The following HDAC9 variants were observed in gnomAD, a reference collection of about 807,000 sequenced individuals.
The protein encoded by HDAC9 is histone deacetylase 9, also known as MEF-2 interacting transcription repressor (MITR) protein.
HDAC9 carries 41 observed loss-of-function variants against 139.4 expected under a neutral mutation model. The ratio of observed to expected loss-of-function variants is 0.29; its 90% CI spans 0.23 to 0.38. The LOEUF is 0.38. HDAC9 is among the 10% of genes least tolerant of loss of function. The pLI is 1.00. For synonymous variants in HDAC9, 517 were observed against 476.2 expected, an observed-to-expected ratio of 1.09 and a Z score of -1.12; for missense variants, 1,147 against 1,297.0, an observed-to-expected ratio of 0.88 and a Z score of 1.78.
At chr7:18,771,996 C>G (rs985289143) in intron 16 of HDAC9, among the ~76,000 whole-genome samples, 1 of 152,194 alleles carries the variant, frequency 6.6e-6, no homozygotes, top group East Asian at 1.9e-4. Context: ...CATGCAAAAA[C>G]GAATGAGCAA....
chr7:18,603,423 G>T (rs1834525295), intron 6 of HDAC9, among the ~76,000 whole-genome samples: 1 of 151,854 alleles, frequency 6.6e-6, no homozygotes, highest in South Asian at 2.1e-4. Flanking sequence ...ATAATTCAGT[G>T]CTCTCTACTC....
At chr7:18,724,452 C>T (rs1386592541) in intron 12 of HDAC9, among the ~76,000 whole-genome samples, 1 of 151,944 alleles carries the variant, frequency 6.6e-6, no homozygotes, top group African/African-American at 2.4e-5. Flanking sequence ...CATAATATAC[C>T]TGGATAAGGC....
chr7:18,449,344 A>G (rs1403743894), intron 1 of HDAC9, among the ~76,000 whole-genome samples: 3 of 152,196 alleles, frequency 2.0e-5, no homozygotes, highest in African/African-American at 7.2e-5. Context: ...TACAAATATA[A>G]TACTGAAAGA....
At chr7:18,798,946 A>T (rs1793046619) in intron 17 of HDAC9, among the ~76,000 whole-genome samples, 1 of 152,000 alleles carries the variant, frequency 6.6e-6, no homozygotes, top group African/African-American at 2.4e-5. Flanking sequence ...CTAAGCTCTT[A>T]TGTCAAACTG....
intron 1 of HDAC9, among the ~76,000 whole-genome samples, chr7:18,091,264 G>A (rs993487621): frequency 3.3e-5 from 5 of 152,194 alleles, no homozygotes; most frequent in Non-Finnish European, 5.9e-5. Context: ...TTTGTTTAGA[G>A]CTTCAAAGAG....
chr7:18,281,500 T>G (rs1797103992), intron 2 of HDAC9, among the ~76,000 whole-genome samples: 1 of 152,150 alleles, frequency 6.6e-6, no homozygotes, highest in Non-Finnish European at 1.5e-5. Flanking sequence ...TTTAATTGAT[T>G]CTCTTTCCAT....
intron 6 of HDAC9, among the ~76,000 whole-genome samples, chr7:18,598,950 G>A (rs893085729): frequency 6.6e-6 from 1 of 152,226 alleles, no homozygotes; most frequent in Admixed American, 6.5e-5. Flanking sequence ...GCTGAGGAGG[G>A]AGGATTGCTT....
chr7:18,233,340 G>T (rs886802658), intron 2 of HDAC9, among the ~76,000 whole-genome samples: 8 of 151,978 alleles, frequency 5.3e-5, no homozygotes, highest in African/African-American at 1.9e-4. Context: ...AGACATGACA[G>T]AATAGGAGTC....
intron 2 of HDAC9, among the ~76,000 whole-genome samples, chr7:18,578,682 G>C (rs1042131468): frequency 4.6e-5 from 7 of 152,206 alleles, no homozygotes; most frequent in African/African-American, 1.7e-4. Context: ...GGAAAGCTAG[G>C]TATTTCTCAT....
intron 12 of HDAC9, among the ~76,000 whole-genome samples, chr7:18,706,834 C>T (rs1340138422): frequency 1.3e-5 from 2 of 152,080 alleles, no homozygotes; most frequent in South Asian, 2.1e-4. Context: ...ATAAATCAAC[C>T]GATGACAGCT....
At position 18,659,357 on chromosome 7, in the gene HDAC9, T is replaced by TA. The variant is rs1792397618; in HGVS notation, c.1468-6855dup. Among the ~76,000 whole-genome samples, 6 of 152,306 alleles carry TA rather than the reference T, an allele frequency of 3.9e-5. No homozygotes were observed. In the South Asian group the frequency reaches 1.2e-3, roughly 32 times the overall value. ...TAGTGAATTTTTCATCATGTGCCAATAGAATATATGATGTTAAACATGGAA... is the reference window on the plus strand; with the variant it reads ...TAGTGAATTTTTCATCATGTGCCAATAAGAATATATGATGTTAAACATGGAA... On this transcript the variant is annotated intron_variant, in intron 11 of 25. Coordinates refer to ENST00000686413, the MANE Select transcript of HDAC9 (RefSeq NM_178425.4).
intron 12 of HDAC9, among the ~76,000 whole-genome samples, chr7:18,709,517 A>G (rs1281207509): frequency 1.3e-5 from 2 of 152,230 alleles, no homozygotes; most frequent in African/African-American, 4.8e-5. Context: ...CTATTTAACA[A>G]GTATTTTTTT....
chr7:18,715,921 A>G (rs1283148853), intron 12 of HDAC9, among the ~76,000 whole-genome samples: 1 of 152,204 alleles, frequency 6.6e-6, no homozygotes, highest in Non-Finnish European at 1.5e-5. Flanking sequence ...TATATCCACT[A>G]GAATTCTTCC....
intron 1 of HDAC9, among the ~76,000 whole-genome samples, chr7:18,338,314 G>A (rs1465539368): frequency 6.6e-6 from 1 of 151,612 alleles, no homozygotes; most frequent in African/African-American, 2.4e-5. Context: ...AAATGACAAC[G>A]ATGTTGCAGT....
intron 22 of HDAC9, chr7:18,906,798 T>A (rs1206023138): frequency 6.6e-6 from 1 of 152,258 alleles, no homozygotes; most frequent in Admixed American, 6.5e-5. Context: ...ACCTGTTCTT[T>A]ATTCAATACA....
chr7:18,591,364 A>T (rs1041045417), intron 4 of HDAC9, among the ~76,000 whole-genome samples, 152 bp from the exon 5 acceptor site: 2 of 152,152 alleles, frequency 1.3e-5, no homozygotes, highest in Admixed American at 6.6e-5. Context: ...TCTTCTTTTA[A>T]TAGGAAAACT....
chr7:18,171,258 G>T (rs1427871593), intron 2 of HDAC9, among the ~76,000 whole-genome samples: 1 of 152,110 alleles, frequency 6.6e-6, no homozygotes, highest in Non-Finnish European at 1.5e-5. Flanking sequence ...TCTGTTATTG[G>T]TGTATAGGAA....
chr7:18,459,879 T>C (rs1793680867), intron 1 of HDAC9, among the ~76,000 whole-genome samples: 1 of 152,100 alleles, frequency 6.6e-6, no homozygotes, highest in African/African-American at 2.4e-5. Context: ...GTATTTCAGA[T>C]AGTCAGTTTG....
In HDAC9 at chr7:18,935,954, A is replaced by T. The variant is rs1339702480; in HGVS notation, c.2937+12A>T. 1.2e-6 allele frequency: 2 copies of T among 1,611,320 alleles called. No individual in the cohort carries two copies. Among genetic ancestry groups the T allele is most frequent in the African/African-American group, 1.3e-5 (1 of 74,866 alleles). ...TTCTAGGAAATGAGGTAAAAAAGTA[A>T]AAGTACAAAGGGGCAGGGGTAAAGA... On this transcript the variant is annotated intron_variant, in intron 23 of 25. Transcript: ENST00000686413.
Sources: allele counts gnomAD v4.1 joint callset (sites outside exome capture counted in the v4.1 genomes callset), GRCh38; gene constraint gnomAD v4.1.1; transcripts MANE v1.5; gene names NCBI Gene and HGNC (gene_info 2026-07-23, HGNC 2026-07-21).